The following HPS4 variants were observed in gnomAD, a reference collection of about 807,000 sequenced individuals.
The protein encoded by HPS4 is BLOC-3 complex member HPS4.
Under a neutral mutation model 70.3 loss-of-function variants are expected in HPS4, and 44 were observed. The observed-to-expected ratio is 0.63, with a 90% CI of 0.49 to 0.80. The LOEUF is 0.80. Among genes scored for constraint, HPS4 ranks in the 30% least tolerant of loss-of-function variants. The pLI is 0.00. For missense variants in HPS4, 873 were observed against 884.4 expected (o/e 0.99, Z 0.16); for synonymous variants, 377 against 355.9 (o/e 1.06, Z -0.67).
rs772529619 is a variant in HPS4, at chr22:26,468,538, G to T, written c.669+13C>A. 6.2e-7 allele frequency: 1 copy of T among 1,611,998 alleles called. No individual in the cohort carries two copies. Among genetic ancestry groups the T allele is most frequent in the South Asian group, 1.1e-5 (1 of 90,890 alleles). On this transcript the variant is annotated intron_variant, in intron 8 of 13. Coordinates refer to ENST00000398145, the MANE Select transcript of HPS4 (RefSeq NM_022081.6). ...GGGATGCTGTCCAGCCAGGTGGGTG[G>T]ACTTTACAATACCTGCTCCTGAGGT...
chr22:26,471,407 C>T (rs746034581), intron 6 of HPS4: 1 of 456,254 alleles, frequency 2.2e-6, no homozygotes, highest in South Asian at 1.5e-5. Context: ...ACAAGAAAAG[C>T]ATCTGGACCT....
intron 6 of HPS4, 133 bp downstream of exon 6, chr22:26,472,169 C>T: frequency 1.3e-6 from 1 of 741,254 alleles, no homozygotes; most frequent in Non-Finnish European, 2.5e-6. Context: ...AGGTGACCTG[C>T]CGTGTCATGG....
intron 4 of HPS4, 125 bp from the exon 5 acceptor site, chr22:26,473,064 C>A: frequency 2.5e-6 from 2 of 784,888 alleles, no homozygotes; most frequent in South Asian, 1.4e-5. Context: ...CTTCTATTGT[C>A]CCTGAGTCCA....
rs754902386 is a variant in HPS4, at chr22:26,470,811, C to T, written c.504G>A (p.Val168=). The T allele has an allele frequency of 1.1e-5, 17 of 1,614,068 alleles. No homozygotes were observed. The highest frequency in any genetic ancestry group is 1.6e-4 in the Middle Eastern group (1 of 6,084). The change falls in exon 7 of 14, where the codon GTG becomes GTA. Residue 168 remains valine, a splice_region_variant and synonymous_variant. Transcript: ENST00000398145. Reference sequence around the variant, plus strand: ...CTGCCTTCAGCAACAACAGGGGCTCCACCTGTGCAGGGCAAGAGGCATCAT... The same window carrying T: ...CTGCCTTCAGCAACAACAGGGGCTCTACCTGTGCAGGGCAAGAGGCATCAT... The part of the protein sequence containing the change: ...NSLWNLDQTK[V]EPLLLLKAAR...
rs1601910577 is a variant in HPS4 at position 26,464,639 on chromosome 22, G to A, written c.991C>T (p.His331Tyr). The A allele has an allele frequency of 2.5e-6, 4 of 1,613,614 alleles. No individual in the cohort carries two copies. The highest frequency in any genetic ancestry group is 1.1e-5 in the South Asian group (1 of 91,074). Residue 331 changes from histidine (H) to tyrosine (Y), a missense_variant, in exon 11 of 14, where the codon CAT (histidine) becomes TAT (tyrosine). Transcript: ENST00000398145. Reference protein sequence around the residue: ...GRKENGCLSGHDLESIRPAGL... With the variant: ...GRKENGCLSGYDLESIRPAGL... Reference sequence around the variant, plus strand: ...GCGGGCCTGATGCTCTCCAGATCATGGCCAGACAAGCATCCGTTCTCCTTC... The same window carrying A: ...GCGGGCCTGATGCTCTCCAGATCATAGCCAGACAAGCATCCGTTCTCCTTC...
chr22:26,456,620 C>T (rs2086183091), intron 13 of HPS4, among the ~76,000 whole-genome samples: 1 of 152,206 alleles, frequency 6.6e-6, no homozygotes, highest in South Asian at 2.1e-4. Context: ...GACTGAGCCC[C>T]TGCACTCCAG....
intron 11 of HPS4, among the ~76,000 whole-genome samples, chr22:26,460,211 T>A (rs2086962940): frequency 6.6e-6 from 1 of 152,238 alleles, no homozygotes; most frequent in Non-Finnish European, 1.5e-5. Flanking sequence ...ACACATCCAA[T>A]GCCAAGCACT....
At chr22:26,444,470 G>T (rs771726247) in exon 4 of HPS4, 1 of 152,172 alleles carries the variant, frequency 6.6e-6, no homozygotes, top group Admixed American at 6.5e-5. Flanking sequence ...GAAGGAAAAG[G>T]TCCCAGGAGA....
chr22:26,472,232 G>A, intron 6 of HPS4, 70 bp downstream of exon 6: 1 of 973,622 alleles, frequency 1.0e-6, no homozygotes, highest in Non-Finnish European at 1.7e-6. Flanking sequence ...GTTCACTTCA[G>A]GAATATTAAA....
At chr22:26,446,884 C>T (rs144754304), downstream of HPS4, among the ~76,000 whole-genome samples, 5 of 152,326 alleles carry the variant, frequency 3.3e-5, no homozygotes, top group South Asian at 2.1e-4. Flanking sequence ...CCCGCTTCCA[C>T]GCCTGGCTAA....
chr22:26,476,920 A>T, intron 4 of HPS4, 73 bp downstream of exon 4: 5 of 1,528,610 alleles, frequency 3.3e-6, no homozygotes, highest in Non-Finnish European at 4.5e-6. Context: ...TCTAAATTCA[A>T]GACTCAGAAA....
intron 10 of HPS4, among the ~76,000 whole-genome samples, chr22:26,465,168 T>G (rs1306631801): frequency 6.6e-6 from 1 of 152,204 alleles, no homozygotes; most frequent in African/African-American, 2.4e-5. Context: ...GGATACTATT[T>G]TGTCTACTTT....
downstream of HPS4, among the ~76,000 whole-genome samples, chr22:26,450,254 G>C (rs1231207359): frequency 6.6e-6 from 1 of 152,218 alleles, no homozygotes; most frequent in Non-Finnish European, 1.5e-5. Flanking sequence ...CACACACAGG[G>C]AAGTGGCCTG....
rs775516226 is a variant in HPS4 at position 26,472,804 on chromosome 22, G to A, written c.384+28C>T. 7.2e-6 allele frequency: 11 copies of A among 1,534,184 alleles called. No homozygotes were observed. The East Asian group carries it at 1.1e-4, about 16-fold the overall frequency. ...ACCGGTTTTTATAAAGAGGCCCAAT[G>A]TAAGACTCCTCAACCCCATACTTGT... On this transcript the variant is annotated intron_variant, in intron 5 of 13. Transcript: ENST00000398145.
At chr22:26,461,895 G>C (rs2087352673) in intron 11 of HPS4, among the ~76,000 whole-genome samples, 1 of 152,188 alleles carries the variant, frequency 6.6e-6, no homozygotes, top group Non-Finnish European at 1.5e-5. Flanking sequence ...GGGAGGCCGA[G>C]GCGGGCAGAT....
chr22:26,467,793 G>T (rs2088954287), intron 8 of HPS4: 1 of 151,792 alleles, frequency 6.6e-6, no homozygotes, highest in Non-Finnish European at 1.5e-5. Context: ...TTCAAAGATG[G>T]GCAATTTTAT....
chr22:26,466,042 T>G (rs2097558), intron 9 of HPS4, 184 bp downstream of exon 9: 1 of 1,534,386 alleles, frequency 6.5e-7, no homozygotes, highest in South Asian at 1.2e-5. Context: ...CCTAAAATCA[T>G]AGCTTTACCA....
chr22:26,479,268 G>T lies in HPS4; in HGVS notation c.129C>A (p.Ser43=). 6.2e-7 allele frequency: 1 copy of T among 1,614,118 alleles called. No individual in the cohort carries two copies. The highest frequency in any genetic ancestry group is 8.5e-7 in the Non-Finnish European group (1 of 1,180,020). The change falls in exon 3 of 14, where the codon TCC becomes TCA. Residue 43 remains serine (S), a synonymous_variant. Coordinates refer to ENST00000398145, the MANE Select transcript of HPS4 (RefSeq NM_022081.6). ...AATAAAATGCTGTGTGGCTTACCTGGGAAGGATAAAAGTAACAAATGCCAG... is the reference window on the plus strand; with the variant it reads ...AATAAAATGCTGTGTGGCTTACCTGTGAAGGATAAAAGTAACAAATGCCAG... The part of the protein sequence containing the change: ...TRAGICYFYP[S]QTLLDQQELL...
intron 8 of HPS4, 103 bp from the exon 9 acceptor site, chr22:26,466,365 G>C: frequency 7.6e-7 from 1 of 1,311,750 alleles, no homozygotes; most frequent in Non-Finnish European, 1.1e-6. Flanking sequence ...ACTTAGCCAG[G>C]CCCAGAAAGC....
Sources: allele counts gnomAD v4.1 joint callset (sites outside exome capture counted in the v4.1 genomes callset), GRCh38; gene constraint gnomAD v4.1.1; transcripts MANE v1.5; gene names NCBI Gene and HGNC (gene_info 2026-07-23, HGNC 2026-07-21).